MCUB: variants seen among roughly 807,000 people sequenced by gnomAD.
MCUB encodes the protein calcium uniporter regulatory subunit MCUb, mitochondrial.
A neutral mutation model predicts 41.4 loss-of-function variants in MCUB; 46 were observed. That is an observed-to-expected ratio of 1.11 (90% CI 0.88 to 1.42). MCUB has a LOEUF of 1.42. Among genes scored for constraint, MCUB ranks in the 40% most tolerant of loss-of-function variants. MCUB has a pLI of 0.00. For missense variants in MCUB, 403 were observed against 404.9 expected (o/e 1.00, Z 0.04); for synonymous variants, 148 against 148.2 (o/e 1.00, Z 0.01).
intron 4 of MCUB, chr4:109,674,203 AT>A: frequency 1.2e-6 from 1 of 805,454 alleles, no homozygotes; most frequent in Non-Finnish European, 2.2e-6. Flanking sequence ...ATTGTTGGAA[AT>A]AAACTAATTT....
chr4:109,588,747 A>T (rs1431896425), intron 1 of MCUB, among the ~76,000 whole-genome samples: 1 of 152,132 alleles, frequency 6.6e-6, no homozygotes, highest in Non-Finnish European at 1.5e-5. Flanking sequence ...TTTCCCTGTC[A>T]TGTGTATCAA....
At chr4:109,609,077 CTCTCTG>C (rs763118009) in intron 1 of MCUB, among the ~76,000 whole-genome samples, 1 of 146,204 alleles carries the variant, frequency 6.8e-6, no homozygotes. Flanking sequence ...CTCTCTCTCT[CTCTCTG>C]TGCTGAGCTG....
chr4:109,606,276 G>GT (rs372870427), intron 1 of MCUB, among the ~76,000 whole-genome samples: 3,017 of 151,706 alleles, frequency 0.02, 95 homozygotes, highest in African/African-American at 0.063. Context: ...TGCCTGGCCT[G>GT]TTTTTTTTGT....
intron 1 of MCUB, among the ~76,000 whole-genome samples, chr4:109,630,821 C>T (rs2003464): frequency 0.42 from 63,596 of 151,908 alleles, 13,539 homozygotes; most frequent in South Asian, 0.48. Flanking sequence ...CATCAGGTGA[C>T]CCACCCGCCT....
chr4:109,566,358 T>G (rs1183991645), intron 1 of MCUB, among the ~76,000 whole-genome samples: 1 of 151,128 alleles, frequency 6.6e-6, no homozygotes, highest in African/African-American at 2.4e-5. Flanking sequence ...TAGTCCCAGC[T>G]ACTCGGGAGG....
intron 1 of MCUB, among the ~76,000 whole-genome samples, chr4:109,581,269 C>T (rs1337443810): frequency 1.3e-5 from 2 of 152,156 alleles, no homozygotes; most frequent in East Asian, 1.9e-4. Context: ...CTGACAAAAA[C>T]AAGCAATGGG....
Position 109,560,738 on chromosome 4 carries a change from G to A in MCUB, c.99+302G>A, listed in dbSNP as rs147192894. On this transcript the variant is annotated intron_variant, in intron 1 of 7. Coordinates refer to ENST00000394650, the MANE Select transcript of MCUB (RefSeq NM_017918.5). ...ACCACCAGACTTCGGCCTGGGAGCAGCAGAATAACCTGGGAGGCAGTTTCT... is the reference window on the plus strand; with the variant it reads ...ACCACCAGACTTCGGCCTGGGAGCAACAGAATAACCTGGGAGGCAGTTTCT... Among the ~76,000 whole-genome samples the A allele has an allele frequency of 6.8e-4, 103 of 152,256 alleles. 1 individual carries two copies. In the East Asian group the frequency reaches 0.019, roughly 28 times the overall value.
At chr4:109,613,467 G>C (rs899327952) in intron 1 of MCUB, among the ~76,000 whole-genome samples, 2 of 152,214 alleles carry the variant, frequency 1.3e-5, no homozygotes, top group Admixed American at 1.3e-4. Flanking sequence ...ACTTATAGGG[G>C]AATGGGCTTT....
chr4:109,632,676 C>T (rs1388317762), intron 1 of MCUB, among the ~76,000 whole-genome samples: 5 of 139,456 alleles, frequency 3.6e-5, no homozygotes, highest in South Asian at 2.2e-4. Flanking sequence ...AGTGCAATGG[C>T]GCGATCTTGA....
chr4:109,633,272 ATTATTT>A (rs1201941676), intron 1 of MCUB, among the ~76,000 whole-genome samples: 2 of 151,298 alleles, frequency 1.3e-5, no homozygotes, highest in Admixed American at 6.6e-5. Flanking sequence ...ATGAATTATT[ATTATTT>A]TTTTTTTGAG....
At chr4:109,560,733 G>A (rs961589311) in intron 1 of MCUB, among the ~76,000 whole-genome samples, 2 of 152,140 alleles carry the variant, frequency 1.3e-5, no homozygotes, top group African/African-American at 4.8e-5. Context: ...TTCGGCCTGG[G>A]AGCAGCAGAA....
intron 1 of MCUB, among the ~76,000 whole-genome samples, chr4:109,582,564 A>AC: frequency 6.6e-6 from 1 of 150,736 alleles, no homozygotes; most frequent in East Asian, 1.9e-4. Flanking sequence ...GTTTAACAAA[A>AC]AAAAAAAAAA....
At chr4:109,644,049 A>G (rs148206457) in intron 1 of MCUB, among the ~76,000 whole-genome samples, 252 of 152,292 alleles carry the variant, frequency 1.7e-3, no homozygotes, top group African/African-American at 5.9e-3. Context: ...GGTACATTAT[A>G]TTCAGTGGAT....
At chr4:109,674,682 T>C (rs1290836950) in intron 4 of MCUB, among the ~76,000 whole-genome samples, 2 of 152,250 alleles carry the variant, frequency 1.3e-5, no homozygotes, top group African/African-American at 4.8e-5. Context: ...TATTAGTATT[T>C]ATTAAAGAAT....
chr4:109,569,497 CTTTTTTTTTTTT>C (rs35808519), intron 1 of MCUB, among the ~76,000 whole-genome samples: 1 of 87,174 alleles, frequency 1.1e-5, no homozygotes, highest in African/African-American at 5.7e-5. Flanking sequence ...TTGGCTATCC[CTTTTTTTTTTTT>C]TTTTTTTTTT....
intron 4 of MCUB, among the ~76,000 whole-genome samples, chr4:109,673,273 G>A (rs560700203): frequency 6.6e-6 from 1 of 152,304 alleles, no homozygotes; most frequent in South Asian, 2.1e-4. Context: ...GATGTTTACA[G>A]GCCATCCCAT....
At chr4:109,643,498 T>G (rs1192500693) in intron 1 of MCUB, among the ~76,000 whole-genome samples, 1 of 148,300 alleles carries the variant, frequency 6.7e-6, no homozygotes, top group Non-Finnish European at 1.5e-5. Context: ...TTTTACTTTT[T>G]TATTTTTATT....
At chr4:109,673,617 A>G (rs1729508272) in intron 4 of MCUB, among the ~76,000 whole-genome samples, 1 of 152,282 alleles carries the variant, frequency 6.6e-6, no homozygotes, top group Admixed American at 6.5e-5. Context: ...AATGAAATTT[A>G]TAAAATTACA....
At chr4:109,669,210 C>T (rs1157123808) in intron 4 of MCUB, among the ~76,000 whole-genome samples, 2 of 152,112 alleles carry the variant, frequency 1.3e-5, no homozygotes, top group African/African-American at 4.8e-5. Flanking sequence ...GCAAGGCAGG[C>T]CTGCTAGCAA....
Sources: allele counts gnomAD v4.1 joint callset (sites outside exome capture counted in the v4.1 genomes callset), GRCh38; gene constraint gnomAD v4.1.1; transcripts MANE v1.5; gene names NCBI Gene and HGNC (gene_info 2026-07-23, HGNC 2026-07-21).